The following XPNPEP1 variants were observed in gnomAD, a reference collection of about 807,000 sequenced individuals.
XPNPEP1 encodes X-prolyl aminopeptidase 1, also known as xaa-Pro aminopeptidase 1.
In XPNPEP1, 39 loss-of-function variants were observed where a neutral mutation model predicts 92.4. The ratio of observed to expected loss-of-function variants is 0.42; its 90% CI spans 0.33 to 0.55. The LOEUF is 0.55. Among genes scored for constraint, XPNPEP1 ranks in the 20% least tolerant of loss-of-function variants. The pLI is 0.08. For synonymous variants in XPNPEP1, 307 were observed against 299.4 expected, an observed-to-expected ratio of 1.03 and a Z score of -0.26; for missense variants, 654 against 856.1, an observed-to-expected ratio of 0.76 and a Z score of 2.95.
At chr10:109,916,308 G>T (rs1850186965) in intron 1 of XPNPEP1, among the ~76,000 whole-genome samples, 1 of 151,822 alleles carries the variant, frequency 6.6e-6, no homozygotes, top group South Asian at 2.1e-4. Flanking sequence ...CAAAGGCCAT[G>T]AGGCAGGAGT....
chr10:109,888,615 T>C lies in XPNPEP1; in HGVS notation c.416-20A>G. Reference sequence around the variant, plus strand: ...TCAGACCTACAGGGGGAAGAAATGATAAGAAACAATTCCCAGTGGGCCCAC... The same window carrying C: ...TCAGACCTACAGGGGGAAGAAATGACAAGAAACAATTCCCAGTGGGCCCAC... On this transcript the variant is annotated intron_variant, in intron 5 of 20. Coordinates refer to ENST00000502935, the MANE Select transcript of XPNPEP1 (RefSeq NM_020383.4). The C allele has an allele frequency of 6.3e-7, 1 of 1,575,992 alleles. No individual in the cohort carries two copies. Among genetic ancestry groups the C allele is most frequent in the Non-Finnish European group, 8.6e-7 (1 of 1,157,310 alleles).
intron 4 of XPNPEP1, 85 bp from the exon 5 acceptor site, chr10:109,891,911 G>C: frequency 2.2e-6 from 3 of 1,335,996 alleles, no homozygotes; most frequent in South Asian, 2.5e-5. Context: ...AGACAGGCAA[G>C]AGCAGTAAGA....
intron 19 of XPNPEP1, 67 bp downstream of exon 19, chr10:109,869,886 A>C: frequency 6.6e-7 from 1 of 1,510,434 alleles, no homozygotes; most frequent in Non-Finnish European, 9.2e-7. Context: ...TATTGTAGCC[A>C]ATGAGGTCTA....
chr10:109,882,575 G>T lies in XPNPEP1; in HGVS notation c.898C>A (p.Leu300Met), dbSNP rs1262437396. The stretch of plus-strand genomic sequence containing the variant: ...ACCTGGATCCTGTATTCGGCTTCCA[G>T]ACCCAAGTCAAGAAGCAGGTGCTCC... ...VKEHLLLDLG[L>M]EAEYRIQVHP... is the part of the protein sequence containing the mutation. Residue 300 changes from leucine to methionine, a missense_variant, in exon 10 of 21, where the codon CTG (leucine) becomes ATG (methionine). Transcript: ENST00000502935. 6.2e-7 allele frequency: 1 copy of T among 1,614,068 alleles called. No homozygotes were observed. Among genetic ancestry groups the T allele is most frequent in the Admixed American group, 1.7e-5 (1 of 60,004 alleles).
chr10:109,875,954 T>A, intron 14 of XPNPEP1: 1 of 203,774 alleles, frequency 4.9e-6, no homozygotes, highest in Admixed American at 5.5e-5. Context: ...GCTAGAGTCC[T>A]GGGAACTGGG....
chr10:109,883,803 G>A (rs955013766), intron 9 of XPNPEP1: 1 of 396,166 alleles, frequency 2.5e-6, no homozygotes, highest in Non-Finnish European at 4.5e-6. Flanking sequence ...AACACTGGCT[G>A]CTAGAAAACT....
In XPNPEP1 at chr10:109,891,806, C is replaced by G; in HGVS notation, c.331G>C (p.Glu111Gln). The change falls in exon 5 of 21, where the codon GAG (glutamate) becomes CAG (glutamine). Residue 111 changes from glutamate (E) to glutamine (Q), a missense_variant. Transcript: ENST00000502935. ...CCGTCAGTCCACATGGCTGCATGCTCTTCTGTGATGATGGCTGTGCCTGAA... is the reference window on the plus strand; with the variant it reads ...CCGTCAGTCCACATGGCTGCATGCTGTTCTGTGATGATGGCTGTGCCTGAA... ...GSAGTAIITE[E>Q]HAAMWTDGRY... The G allele has an allele frequency of 3.1e-6, 5 of 1,609,460 alleles. No homozygotes were observed. The highest frequency in any genetic ancestry group is 4.2e-6 in the Non-Finnish European group (5 of 1,178,708).
chr10:109,902,749 C>G (rs1849352277), intron 3 of XPNPEP1, among the ~76,000 whole-genome samples: 1 of 152,242 alleles, frequency 6.6e-6, no homozygotes, highest in Non-Finnish European at 1.5e-5. Context: ...TAACACCAAG[C>G]AAGCTTGATA....
intron 3 of XPNPEP1, among the ~76,000 whole-genome samples, chr10:109,900,574 A>G (rs758774047): frequency 6.6e-6 from 1 of 152,092 alleles, no homozygotes; most frequent in Non-Finnish European, 1.5e-5. Flanking sequence ...CAAGGTCCAC[A>G]TTTAATCCAG....
At chr10:109,872,412 G>A (rs1003066892) in intron 16 of XPNPEP1, among the ~76,000 whole-genome samples, 16 of 152,204 alleles carry the variant, frequency 1.1e-4, no homozygotes, top group Admixed American at 2.6e-4. Context: ...CCCACTGTCC[G>A]GACAAGAGAA....
At position 109,889,551 on chromosome 10, in the gene XPNPEP1, T is replaced by C. The variant is rs535425065; in HGVS notation, c.416-956A>G. On this transcript the variant is annotated intron_variant, in intron 5 of 20. Coordinates refer to ENST00000502935, the MANE Select transcript of XPNPEP1 (RefSeq NM_020383.4). ...ACAGCCCTTTCTGTTTCTAAGACGC[T>C]AGTCATAGGACACTATATCAGCCTC... Among the ~76,000 whole-genome samples, 709 of 152,366 alleles carry C rather than the reference T, an allele frequency of 4.7e-3. 4 individuals carry two copies. The highest frequency in any genetic ancestry group is 0.016 in the African/African-American group (684 of 41,584).
At position 109,907,727 on chromosome 10, in the gene XPNPEP1, G is replaced by C. The variant is rs1160735451; in HGVS notation, c.210C>G (p.Ile70Met). The stretch of plus-strand genomic sequence containing the variant: ...CTCCCGATGGGATGATGTAGGCCTG[G>C]ATCGGTTCGGTCACATACTCAGAGT... ...MRNSEYVTEP[I>M]QAYIIPSGDA... Residue 70 changes from isoleucine (I) to methionine (M), a missense_variant, in exon 3 of 21, where the codon ATC (isoleucine) becomes ATG (methionine). By Grantham distance (10) the Ile-to-Met change is conservative. Coordinates refer to ENST00000502935, the MANE Select transcript of XPNPEP1 (RefSeq NM_020383.4). 6.2e-7 allele frequency: 1 copy of C among 1,614,116 alleles called. No homozygotes were observed. Among genetic ancestry groups the C allele is most frequent in the African/African-American group, 1.3e-5 (1 of 74,930 alleles).
intron 20 of XPNPEP1, among the ~76,000 whole-genome samples, chr10:109,866,423 G>A (rs1156625269): frequency 6.6e-6 from 1 of 152,188 alleles, no homozygotes; most frequent in East Asian, 1.9e-4. Context: ...GTCAAAAGCA[G>A]GCAAACTGCT....
intron 2 of XPNPEP1, among the ~76,000 whole-genome samples, chr10:109,911,593 T>C (rs1413911000): frequency 1.3e-5 from 2 of 152,202 alleles, no homozygotes; most frequent in Non-Finnish European, 2.9e-5. Context: ...TTTCAGGAGC[T>C]TCAGAATAGA....
rs187581402 is a variant in XPNPEP1, at chr10:109,869,866, G to T, written c.1773+87C>A. 5 of 1,336,498 alleles carry T rather than the reference G, an allele frequency of 3.7e-6. No individual in the cohort carries two copies. The East Asian group carries it at 7.2e-5, about 19-fold the overall frequency. 82.8% of individuals were successfully genotyped at this position (1,336,498 alleles called of 1,614,324 possible). On this transcript the variant is annotated intron_variant, in intron 19 of 20. Coordinates refer to ENST00000502935, the MANE Select transcript of XPNPEP1 (RefSeq NM_020383.4). ...AAACAGGAAAATTTTTAAGCTTTGCGCAGTGGCAGTATTGTAGCCAATGAG... is the reference window on the plus strand; with the variant it reads ...AAACAGGAAAATTTTTAAGCTTTGCTCAGTGGCAGTATTGTAGCCAATGAG...
At chr10:109,918,757 G>A (rs1489052900) in intron 1 of XPNPEP1, among the ~76,000 whole-genome samples, 1 of 147,198 alleles carries the variant, frequency 6.8e-6, no homozygotes, top group African/African-American at 2.5e-5. Context: ...CAAGAGAAAA[G>A]GAAAGAAAGA....
At chr10:109,911,065 C>G (rs1849843020) in intron 2 of XPNPEP1, among the ~76,000 whole-genome samples, 1 of 152,224 alleles carries the variant, frequency 6.6e-6, no homozygotes, top group Non-Finnish European at 1.5e-5. Flanking sequence ...AATAGAATCC[C>G]CTATGGGGTA....
At chr10:109,905,066 A>G (rs1385634755) in intron 3 of XPNPEP1, among the ~76,000 whole-genome samples, 1 of 152,222 alleles carries the variant, frequency 6.6e-6, no homozygotes, top group Admixed American at 6.5e-5. Flanking sequence ...ATAAAATGGA[A>G]TATTATTCAG....
intron 16 of XPNPEP1, among the ~76,000 whole-genome samples, chr10:109,872,773 G>A (rs573477933): frequency 2.2e-4 from 34 of 152,284 alleles, no homozygotes; most frequent in Middle Eastern, 3.4e-3. Context: ...ACAGCCACCC[G>A]GGAAGGTGGG....
Sources: gnomAD v4.1 joint callset for allele counts (sites outside exome capture counted in the v4.1 genomes callset) on GRCh38, gnomAD v4.1.1 for gene constraint, MANE v1.5 for transcripts, NCBI Gene and HGNC (gene_info 2026-07-23, HGNC 2026-07-21) for gene names.